KDM4C: variants seen among roughly 807,000 people sequenced by gnomAD.
KDM4C encodes lysine demethylase 4C.
KDM4C carries 81 observed loss-of-function variants against 129.3 expected under a neutral mutation model. The observed-to-expected ratio is 0.63, with a 90% CI of 0.52 to 0.75. KDM4C has a LOEUF of 0.75. Ranked by LOEUF, KDM4C falls within the 30% of genes least tolerant of loss-of-function variation. The pLI is 0.00. For missense variants in KDM4C, 1,457 were observed against 1,304.0 expected, an observed-to-expected ratio of 1.12 and a Z score of -1.81; for synonymous variants, 573 against 456.1, an observed-to-expected ratio of 1.26 and a Z score of -3.26.
At position 6,729,034 on chromosome 9, in the gene KDM4C, C is replaced by T. The variant is rs186180806; in HGVS notation, c.49+8037C>T. Among the ~76,000 whole-genome samples, 306 of 150,740 alleles carry T rather than the reference C, an allele frequency of 2.0e-3. 5 individuals are homozygous for T. The East Asian group carries it at 0.037, about 18-fold the overall frequency. ...GCCTGGCCAAGATGGTGAAACCCCA[C>T]CTCTACTAAAAATACAAAAAATTAG... is the stretch of plus-strand genomic sequence containing the variant. On this transcript the variant is annotated intron_variant, in intron 1 of 17. Coordinates refer to the KDM4C transcript ENST00000536108.
intron 17 of KDM4C, among the ~76,000 whole-genome samples, chr9:7,065,132 C>T (rs1417187162): frequency 6.6e-6 from 1 of 152,160 alleles, no homozygotes; most frequent in Admixed American, 6.5e-5. Flanking sequence ...GCATTAAGAA[C>T]TACACAGAAT....
intron 4 of KDM4C, among the ~76,000 whole-genome samples, chr9:6,821,103 C>G (rs141751036): frequency 6.6e-6 from 1 of 152,120 alleles, no homozygotes; most frequent in Non-Finnish European, 1.5e-5. Flanking sequence ...GCCACATTTT[C>G]TTAATCCAGT....
At chr9:6,732,913 T>C (rs1390415729) in intron 1 of KDM4C, among the ~76,000 whole-genome samples, 1 of 152,162 alleles carries the variant, frequency 6.6e-6, no homozygotes, top group Non-Finnish European at 1.5e-5. Context: ...CTGGGGAGGC[T>C]GAGGCAGGAG....
chr9:6,813,895 A>G (rs1235347361), intron 3 of KDM4C, among the ~76,000 whole-genome samples: 7 of 152,142 alleles, frequency 4.6e-5, no homozygotes, highest in Admixed American at 3.9e-4. Context: ...TGAAAGAGCT[A>G]TCTTGTTTTA....
intron 1 of KDM4C, among the ~76,000 whole-genome samples, chr9:6,771,750 G>A (rs994244595): frequency 2.6e-5 from 4 of 152,208 alleles, no homozygotes; most frequent in Non-Finnish European, 5.9e-5. Flanking sequence ...GCTGGAAAGC[G>A]CTGGTCCAGG....
At chr9:6,973,124 GTA>G (rs1554673996) in intron 8 of KDM4C, among the ~76,000 whole-genome samples, 3 of 152,192 alleles carry the variant, frequency 2.0e-5, no homozygotes, top group Non-Finnish European at 2.9e-5. Flanking sequence ...GGCTGAAAAA[GTA>G]TGTTTTGTCA....
chr9:7,062,743 G>T (rs1831884413), intron 17 of KDM4C, among the ~76,000 whole-genome samples: 1 of 151,930 alleles, frequency 6.6e-6, no homozygotes, highest in African/African-American at 2.4e-5. Context: ...TGTTTTAAGG[G>T]AATCTGTGGA....
chr9:6,762,072 A>G (rs1819661629), intron 1 of KDM4C, among the ~76,000 whole-genome samples: 1 of 152,118 alleles, frequency 6.6e-6, no homozygotes, highest in East Asian at 1.9e-4. Context: ...TGCTGGGATT[A>G]CAGGTGTGAG....
intron 4 of KDM4C, among the ~76,000 whole-genome samples, chr9:6,825,947 A>T (rs1373425115): frequency 6.6e-6 from 1 of 152,014 alleles, no homozygotes; most frequent in African/African-American, 2.4e-5. Context: ...AGTAGCTGGG[A>T]CTACGTGTGT....
chr9:7,056,599 C>G (rs892540424), intron 17 of KDM4C, among the ~76,000 whole-genome samples: 5 of 152,130 alleles, frequency 3.3e-5, no homozygotes, highest in African/African-American at 9.7e-5. Flanking sequence ...ATGGATTTTT[C>G]TTTATCTGTT....
At chr9:6,788,471 T>G (rs979372630) in intron 1 of KDM4C, among the ~76,000 whole-genome samples, 1 of 152,332 alleles carries the variant, frequency 6.6e-6, no homozygotes. Flanking sequence ...CTGCCCAGAT[T>G]TTTCTGTTGC....
chr9:6,896,285 T>TA (rs1816420112), intron 8 of KDM4C, among the ~76,000 whole-genome samples: 1 of 152,160 alleles, frequency 6.6e-6, no homozygotes, highest in Non-Finnish European at 1.5e-5. Context: ...ACTATGAAAA[T>TA]ATGAGCACTT....
intron 19 of KDM4C, among the ~76,000 whole-genome samples, chr9:7,135,958 C>T (rs1841161604): frequency 6.6e-6 from 1 of 152,184 alleles, no homozygotes; most frequent in East Asian, 1.9e-4. Flanking sequence ...CCCTCACCAC[C>T]ACCAGGAGCT....
intron 8 of KDM4C, among the ~76,000 whole-genome samples, chr9:6,919,529 A>ATCTGTCTG (rs61205193): frequency 2.8e-5 from 4 of 142,882 alleles, no homozygotes; most frequent in African/African-American, 5.3e-5. Context: ...TTTCAATTTC[A>ATCTGTCTG]TCTGTCTGTC....
At chr9:6,955,237 A>G (rs1325873769) in intron 8 of KDM4C, among the ~76,000 whole-genome samples, 2 of 152,210 alleles carry the variant, frequency 1.3e-5, no homozygotes, top group East Asian at 1.9e-4. Flanking sequence ...TAATAGTATC[A>G]GTTTTTGGTC....
In KDM4C at chr9:7,165,506, A is replaced by T. The variant is rs1844288082; in HGVS notation, c.2901+149A>T. 5.7e-6 allele frequency: 5 copies of T among 883,154 alleles called. No individual in the cohort carries two copies. The South Asian group carries it at 8.8e-5, about 16-fold the overall frequency. 54.7% of individuals were successfully genotyped at this position (883,154 alleles called of 1,614,324 possible). A position where few individuals can be genotyped will look rare whatever the true frequency, so the allele number is the denominator to read the frequency against. Reference sequence around the variant, plus strand: ...GGAGGCAAAGATTCAATGTGTAATGACCCAGGTCGAAACCCTGGAGTTTTA... The same window carrying T: ...GGAGGCAAAGATTCAATGTGTAATGTCCCAGGTCGAAACCCTGGAGTTTTA... On this transcript the variant is annotated intron_variant, in intron 20 of 21. Coordinates refer to ENST00000381309, the MANE Select transcript of KDM4C (RefSeq NM_015061.6).
intron 5 of KDM4C, among the ~76,000 whole-genome samples, chr9:6,872,523 T>C (rs1477948115): frequency 6.6e-6 from 1 of 152,330 alleles, no homozygotes; most frequent in East Asian, 1.9e-4. Flanking sequence ...TGTAGGTCTC[T>C]AAGAACTTGC....
intron 15 of KDM4C, among the ~76,000 whole-genome samples, chr9:7,036,954 G>A (rs996381950): frequency 1.3e-5 from 2 of 152,116 alleles, no homozygotes; most frequent in African/African-American, 4.8e-5. Context: ...CAAATTTGTG[G>A]AATTTCCATT....
chr9:6,973,229 T>C (rs1275571983), intron 8 of KDM4C, among the ~76,000 whole-genome samples: 2 of 152,220 alleles, frequency 1.3e-5, no homozygotes, highest in African/African-American at 4.8e-5. Context: ...TCTCCCCAGA[T>C]ATGGGGTCTT....
Sources: allele counts gnomAD v4.1 joint callset (sites outside exome capture counted in the v4.1 genomes callset), GRCh38; gene constraint gnomAD v4.1.1; transcripts MANE v1.5; gene names NCBI Gene and HGNC (gene_info 2026-07-23, HGNC 2026-07-21).